The following DOK7 variants were observed in gnomAD, a reference collection of about 807,000 sequenced individuals.
The protein encoded by DOK7 is protein Dok-7.
DOK7 carries 32 observed loss-of-function variants against 30.7 expected under a neutral mutation model. The ratio of observed to expected loss-of-function variants is 1.04; its 90% CI spans 0.79 to 1.40. The LOEUF (loss-of-function observed/expected upper bound fraction) is 1.40, where lower values mean the gene tolerates loss of function less well. Ranked by LOEUF, DOK7 falls within the 40% of genes most tolerant of loss-of-function variation. DOK7 has a pLI of 0.00. For synonymous variants in DOK7, 447 were observed against 324.1 expected (o/e 1.38, Z -4.07); for missense variants, 1,007 against 699.2 (o/e 1.44, Z -4.97).
At chr4:3,496,420 C>T (rs1348805430), downstream of DOK7, among the ~76,000 whole-genome samples, 4 of 152,364 alleles carry the variant, frequency 2.6e-5, no homozygotes, top group African/African-American at 7.2e-5. Context: ...TCGGAGCAGC[C>T]GCTCAGCTCT....
At chr4:3,468,912 T>C (rs1267824051) in intron 2 of DOK7, among the ~76,000 whole-genome samples, 1 of 142,082 alleles carries the variant, frequency 7.0e-6, no homozygotes, top group African/African-American at 2.7e-5. Flanking sequence ...TGTCTGTGTG[T>C]GTATGTGTGT....
chr4:3,484,457 A>G, intron 4 of DOK7: 1 of 981,172 alleles, frequency 1.0e-6, no homozygotes, highest in Non-Finnish European at 1.2e-6. Context: ...TTCTTTGGGC[A>G]ATGGGCAGAG....
chr4:3,489,766 C>T lies in DOK7; in HGVS notation c.742C>T (p.Leu248Phe), dbSNP rs749064029. 2 of 1,573,108 alleles carry T rather than the reference C, an allele frequency of 1.3e-6. No individual in the cohort carries two copies. Among genetic ancestry groups the T allele is most frequent in the African/African-American group, 1.3e-5 (1 of 74,252 alleles). ...ACAGCTGGAGAAGCGGCTGAGCCTCCTCTCACATGCGGGCAGGCCGGGCAG... is the reference window on the plus strand; with the variant it reads ...ACAGCTGGAGAAGCGGCTGAGCCTCTTCTCACATGCGGGCAGGCCGGGCAG... ...TLQLEKRLSL[L>F]SHAGRPGSGG... Residue 248 changes from leucine (L) to phenylalanine (F), a missense_variant, in exon 6 of 7, where the codon CTC (leucine) becomes TTC (phenylalanine). Physicochemically the swap from Leu to Phe is conservative, Grantham distance 22 (BLOSUM62 0). Transcript: ENST00000340083.
chr4:3,468,021 A>C (rs1726411248), intron 2 of DOK7, among the ~76,000 whole-genome samples: 1 of 152,198 alleles, frequency 6.6e-6, no homozygotes, highest in Non-Finnish European at 1.5e-5. Context: ...TCAACACTGG[A>C]ATTTCAGATT....
intron 4 of DOK7, chr4:3,484,718 G>C (rs1337442685): frequency 1.0e-6 from 1 of 985,406 alleles, no homozygotes; most frequent in African/African-American, 1.7e-5. Flanking sequence ...CTGGCCCCAG[G>C]ATGCTGCACA....
At chr4:3,498,819 G>C (rs918631821), downstream of DOK7, among the ~76,000 whole-genome samples, 1 of 152,128 alleles carries the variant, frequency 6.6e-6, no homozygotes, top group South Asian at 2.1e-4. Context: ...ATTTGCAGGA[G>C]GGGGGTCTCC....
chr4:3,486,460 G>A (rs1394557782), intron 5 of DOK7, among the ~76,000 whole-genome samples: 1 of 152,374 alleles, frequency 6.6e-6, no homozygotes, highest in African/African-American at 2.4e-5. Context: ...CACCCCCGCC[G>A]TGGTGTGGCG....
Position 3,493,462 on chromosome 4 carries a change from T to A in DOK7, c.1476T>A (p.Cys492Ter), listed in dbSNP as rs768805841. 9 of 1,610,652 alleles carry A rather than the reference T, an allele frequency of 5.6e-6. No homozygotes were observed. The South Asian group carries it at 9.9e-5, about 18-fold the overall frequency. ...CACCCCCGGCTTTCTTTTCGGCATG[T>A]CCAGTCTGTGGAGGACTCAAGGTAA... is the stretch of plus-strand genomic sequence containing the variant. ...AGPPPAFFSA[C>*]PVCGGLKVNP... Residue 492 changes from cysteine (C) to a stop codon, truncating the protein, a stop_gained, in exon 7 of 7, where the codon TGT (cysteine) becomes TGA (stop). Coordinates refer to ENST00000340083, the MANE Select transcript of DOK7 (RefSeq NM_173660.5). LOFTEE classifies it high-confidence loss of function.
At chr4:3,470,435 G>C (rs41493052) in intron 2 of DOK7, among the ~76,000 whole-genome samples, 6,749 of 152,262 alleles carry the variant, frequency 0.044, 517 homozygotes, top group African/African-American at 0.15. Flanking sequence ...CAGGATGTGA[G>C]TCTGCATTTG....
chr4:3,500,566 C>T, intron 7 of DOK7: 1 of 1,495,470 alleles, frequency 6.7e-7, no homozygotes, highest in Non-Finnish European at 8.9e-7. Context: ...GGCCAGGCCA[C>T]ATCCCCTGAG....
chr4:3,500,925 G>A, exon 8 of DOK7: 1 of 1,431,266 alleles, frequency 7.0e-7, no homozygotes. Flanking sequence ...TGGTCCCCAG[G>A]GAGCTCCCAG....
At chr4:3,492,460 T>C (rs964017934) in intron 6 of DOK7, among the ~76,000 whole-genome samples, 5 of 128,654 alleles carry the variant, frequency 3.9e-5, no homozygotes, top group African/African-American at 1.5e-4. Context: ...TGGGGAGCTC[T>C]AGGGAAGGGG....
At chr4:3,485,322 A>T in intron 4 of DOK7, 1 of 570,986 alleles carries the variant, frequency 1.8e-6, no homozygotes, top group Non-Finnish European at 2.8e-6. Flanking sequence ...GGCTCTGGGG[A>T]CCCAGCTTCA....
intron 5 of DOK7, among the ~76,000 whole-genome samples, chr4:3,489,213 G>A (rs1481192860): frequency 6.6e-6 from 1 of 152,206 alleles, no homozygotes; most frequent in African/African-American, 2.4e-5. Context: ...CCAGGGAACG[G>A]TGGGGACACT....
intron 2 of DOK7, among the ~76,000 whole-genome samples, chr4:3,468,153 AGTGT>A (rs1168191867): frequency 6.6e-4 from 99 of 149,832 alleles, no homozygotes; most frequent in African/African-American, 2.4e-3. Flanking sequence ...TGTGTATGCA[AGTGT>A]GTGTGTGCAT....
chr4:3,498,309 A>C (rs924136260), downstream of DOK7, among the ~76,000 whole-genome samples: 1 of 152,172 alleles, frequency 6.6e-6, no homozygotes, highest in Non-Finnish European at 1.5e-5. Context: ...AGATACAGAT[A>C]CGGACACACT....
At chr4:3,464,058 C>T (rs1383207389) in intron 2 of DOK7, among the ~76,000 whole-genome samples, 1 of 152,128 alleles carries the variant, frequency 6.6e-6, no homozygotes, top group Non-Finnish European at 1.5e-5. Context: ...AGGGGTCCCC[C>T]CCCAGTCCCC....
downstream of DOK7, among the ~76,000 whole-genome samples, chr4:3,498,385 T>C (rs1729028745): frequency 2.0e-5 from 3 of 152,178 alleles, no homozygotes; most frequent in African/African-American, 7.2e-5. Flanking sequence ...TCGTCCCCTT[T>C]CCCTGCAGTC....
intron 4 of DOK7, among the ~76,000 whole-genome samples, chr4:3,483,518 C>T (rs893087269): frequency 5.4e-4 from 82 of 152,170 alleles, no homozygotes; most frequent in Non-Finnish European, 1.0e-3. Context: ...GAGGGTGTCG[C>T]GTGGGCACGT....
Sources: allele counts gnomAD v4.1 joint callset (sites outside exome capture counted in the v4.1 genomes callset), GRCh38; gene constraint gnomAD v4.1.1; transcripts MANE v1.5; gene names NCBI Gene and HGNC (gene_info 2026-07-23, HGNC 2026-07-21).